The following CLNK variants were observed in gnomAD, a reference collection of about 807,000 sequenced individuals.
CLNK encodes cytokine-dependent hematopoietic cell linker.
A neutral mutation model predicts 68.6 loss-of-function variants in CLNK; 74 were observed. The ratio of observed to expected loss-of-function variants is 1.08; its 90% CI spans 0.89 to 1.31. CLNK has a LOEUF of 1.31. CLNK is among the 50% of genes most tolerant of loss of function. CLNK has a pLI of 0.00. For missense variants in CLNK, 553 were observed against 515.3 expected (o/e 1.07, Z -0.71); for synonymous variants, 198 against 172.2 (o/e 1.15, Z -1.17).
At chr4:10,589,822 G>A (rs1428685503) in intron 3 of CLNK, among the ~76,000 whole-genome samples, 2 of 152,206 alleles carry the variant, frequency 1.3e-5, no homozygotes, top group South Asian at 2.1e-4. Context: ...AGCAAACTTC[G>A]TGGAGATTTG....
At chr4:10,597,571 G>A (rs1228657001) in intron 3 of CLNK, among the ~76,000 whole-genome samples, 1 of 152,212 alleles carries the variant, frequency 6.6e-6, no homozygotes, top group Non-Finnish European at 1.5e-5. Flanking sequence ...GGAAATAACA[G>A]TGTAAGCACT....
intron 5 of CLNK, among the ~76,000 whole-genome samples, chr4:10,570,966 A>G (rs1003239024): frequency 2.0e-5 from 3 of 152,220 alleles, no homozygotes; most frequent in Non-Finnish European, 2.9e-5. Flanking sequence ...ATGTTTAAGT[A>G]TCAGTACATA....
chr4:10,626,142 C>T (rs1001988308), intron 2 of CLNK, among the ~76,000 whole-genome samples: 10 of 152,120 alleles, frequency 6.6e-5, no homozygotes, highest in African/African-American at 1.9e-4. Context: ...GTGCAGTGTC[C>T]GCCTGCCCAG....
chr4:10,606,898 A>G (rs1001109214), intron 2 of CLNK, among the ~76,000 whole-genome samples: 1 of 152,236 alleles, frequency 6.6e-6, no homozygotes, highest in Non-Finnish European at 1.5e-5. Context: ...ACAGGAGAAA[A>G]AAAATGTTTT....
At chr4:10,720,966 C>T in the CLNK span, among the ~76,000 whole-genome samples, 5 of 152,182 alleles carry the variant, frequency 3.3e-5, no homozygotes, top group African/African-American at 1.2e-4. Context: ...ACATTTGTAT[C>T]ATCACATACT....
chr4:10,700,442 A>G, the CLNK span, among the ~76,000 whole-genome samples: 5 of 152,196 alleles, frequency 3.3e-5, no homozygotes, highest in Non-Finnish European at 1.5e-5. Context: ...TTTGCAAGAC[A>G]GACTTAGGTG....
At chr4:10,521,418 T>C (rs1336767282) in intron 14 of CLNK, among the ~76,000 whole-genome samples, 1 of 152,250 alleles carries the variant, frequency 6.6e-6, no homozygotes, top group Non-Finnish European at 1.5e-5. Flanking sequence ...TTCTTAGCAC[T>C]CTACTTAATA....
the CLNK span, among the ~76,000 whole-genome samples, chr4:10,711,790 G>A: frequency 6.6e-6 from 1 of 152,126 alleles, no homozygotes; most frequent in Non-Finnish European, 1.5e-5. Context: ...ATTATTTCTT[G>A]TCTTGTCCAA....
At chr4:10,581,008 C>T (rs1374702082) in intron 4 of CLNK, among the ~76,000 whole-genome samples, 3 of 152,198 alleles carry the variant, frequency 2.0e-5, no homozygotes, top group Non-Finnish European at 4.4e-5. Flanking sequence ...AAGTGTCCTA[C>T]ACAGGTGTAC....
chr4:10,537,837 C>T (rs1441098654), intron 11 of CLNK, among the ~76,000 whole-genome samples: 3 of 148,912 alleles, frequency 2.0e-5, no homozygotes, highest in Admixed American at 6.8e-5. Context: ...TGTGCTGTGA[C>T]GGATATTATC....
chr4:10,692,737 A>G, the CLNK span, among the ~76,000 whole-genome samples: 1 of 152,264 alleles, frequency 6.6e-6, no homozygotes, highest in Non-Finnish European at 1.5e-5. Context: ...CTCAGTGAAT[A>G]TTAATAAAGG....
intron 18 of CLNK, among the ~76,000 whole-genome samples, chr4:10,499,204 T>C (rs1253450352): frequency 1.3e-5 from 2 of 152,120 alleles, no homozygotes; most frequent in African/African-American, 4.8e-5. Context: ...GGGATTAGTT[T>C]AGATTGTAAG....
At chr4:10,616,396 A>C (rs1331688665) in intron 2 of CLNK, among the ~76,000 whole-genome samples, 1 of 152,256 alleles carries the variant, frequency 6.6e-6, no homozygotes, top group Admixed American at 6.5e-5. Context: ...GTCAATATCT[A>C]TAACATTGCG....
rs5856062 is a variant in CLNK at position 10,578,579 on chromosome 4, C to CTTTTTTTTTTT, written c.112+6337_112+6347dup. Among the ~76,000 whole-genome samples, 17 of 44,922 alleles carry CTTTTTTTTTTT rather than the reference C, an allele frequency of 3.8e-4. 1 individual carries two copies. Among genetic ancestry groups the CTTTTTTTTTTT allele is most frequent in the African/African-American group, 1.3e-3 (15 of 11,420 alleles). The allele number at this position is 44,922 out of a possible 152,430, so 29.5% of individuals were successfully genotyped here. A position where few individuals can be genotyped will look rare whatever the true frequency, so the allele number is the denominator to read the frequency against. ...TTCTCTTGGACTTGGCTTACCTTAT[C>CTTTTTTTTTTT]TTTTTTTTTTTTTTTTTTTTTTTTT... On this transcript the variant is annotated intron_variant, in intron 4 of 18. Transcript: ENST00000226951.
In CLNK at chr4:10,557,641, GCCATAAATTT is replaced by G. The variant is rs2108818040; in HGVS notation, c.445+756_445+765del. On this transcript the variant is annotated intron_variant, in intron 8 of 18. Coordinates refer to ENST00000226951, the MANE Select transcript of CLNK (RefSeq NM_052964.4). ...CAATCACCTGGTAAGTAGTTTCTTT[GCCATAAATTT>G]CCTTAAATTATCCTAATTTGAGTGT... 1.3e-5 allele frequency among the ~76,000 whole-genome samples: 2 copies of G among 152,254 alleles called. 1 individual carries two copies. The highest frequency in any genetic ancestry group is 4.2e-4 in the South Asian group (2 of 4,814).
chr4:10,504,257 A>G (rs1349944637), intron 17 of CLNK, among the ~76,000 whole-genome samples: 4 of 150,692 alleles, frequency 2.7e-5, no homozygotes, highest in African/African-American at 9.8e-5. Flanking sequence ...AGTGGCTGGG[A>G]CTACAGGCGC....
chr4:10,555,112 A>T (rs1409249306), intron 8 of CLNK, among the ~76,000 whole-genome samples: 1 of 152,216 alleles, frequency 6.6e-6, no homozygotes, highest in African/African-American at 2.4e-5. Flanking sequence ...AACTAGTATA[A>T]AGGTCTTTTG....
rs553076295 is a variant in CLNK, at chr4:10,619,910, C to G, written c.12-21861G>C. 2.6e-5 allele frequency among the ~76,000 whole-genome samples: 4 copies of G among 152,278 alleles called. No homozygotes were observed. In the South Asian group the frequency reaches 8.3e-4, roughly 32 times the overall value. ...ACAGGCCAGACTCTTCTGCTTGGCT[C>G]AAAGCCCGGGGCGTTTTCCCATAAT... On this transcript the variant is annotated intron_variant, in intron 2 of 18. Coordinates refer to ENST00000226951, the MANE Select transcript of CLNK (RefSeq NM_052964.4).
chr4:10,605,600 TG>T (rs949148787), intron 2 of CLNK, among the ~76,000 whole-genome samples: 4 of 151,934 alleles, frequency 2.6e-5, no homozygotes, highest in African/African-American at 4.8e-5. Flanking sequence ...GAGGCCAAGG[TG>T]GGTAGATCAT....
Sources: gnomAD v4.1 joint callset for allele counts (sites outside exome capture counted in the v4.1 genomes callset) on GRCh38, gnomAD v4.1.1 for gene constraint, MANE v1.5 for transcripts, NCBI Gene and HGNC (gene_info 2026-07-23, HGNC 2026-07-21) for gene names.